FHIT: variants seen among roughly 807,000 people sequenced by gnomAD.
The protein encoded by FHIT is bis(5'-adenosyl)-triphosphatase.
A neutral mutation model predicts 17.9 loss-of-function variants in FHIT; 19 were observed. The ratio of observed to expected loss-of-function variants is 1.06; its 90% confidence interval spans 0.74 to 1.56. FHIT has a LOEUF of 1.56. Among genes scored for constraint, FHIT ranks in the 40% most tolerant of loss-of-function variants. The pLI is 0.00. For synonymous variants in FHIT, 81 were observed against 69.7 expected, an observed-to-expected ratio of 1.16 and a Z score of -0.81; for missense variants, 248 against 189.2, an observed-to-expected ratio of 1.31 and a Z score of -1.82.
chr3:61,091,936 TAAA>T (rs58005720), intron 2 of FHIT, among the ~76,000 whole-genome samples: 88 of 61,292 alleles, frequency 1.4e-3, no homozygotes, highest in African/African-American at 3.6e-3. Flanking sequence ...AGACCTTGTC[TAAA>T]AAAAAAAAAA....
rs541405064 is a variant in FHIT, at chr3:59,770,491, G to A, written c.349-18170C>T. ...AGATGAAGGCAAAGATTGGGGTGACGGATCTCTAAGCCATGGAATGCCAAA... is the reference window on the plus strand; with the variant it reads ...AGATGAAGGCAAAGATTGGGGTGACAGATCTCTAAGCCATGGAATGCCAAA... On this transcript the variant is annotated intron_variant, in intron 8 of 9. Transcript: ENST00000492590. Among the ~76,000 whole-genome samples the A allele has an allele frequency of 1.2e-4, 18 of 152,240 alleles. No individual in the cohort carries two copies. In the East Asian group the frequency reaches 1.7e-3, roughly 15 times the overall value.
At chr3:60,429,101 G>C (rs1045025613) in intron 5 of FHIT, among the ~76,000 whole-genome samples, 1 of 151,914 alleles carries the variant, frequency 6.6e-6, no homozygotes, top group Non-Finnish European at 1.5e-5. Flanking sequence ...AACTTCGCAG[G>C]CTATTACTTT....
intron 5 of FHIT, among the ~76,000 whole-genome samples, chr3:60,021,764 A>G (rs759032438): frequency 6.6e-6 from 1 of 152,222 alleles, no homozygotes; most frequent in Non-Finnish European, 1.5e-5. Context: ...CAACACTGTT[A>G]CAATGTCCAT....
chr3:60,078,113 G>C (rs770801653), intron 5 of FHIT, among the ~76,000 whole-genome samples: 4 of 151,992 alleles, frequency 2.6e-5, no homozygotes, highest in Non-Finnish European at 5.9e-5. Flanking sequence ...TTTCAGGTAA[G>C]AATCAGTAGT....
At chr3:59,794,273 T>G (rs902610820) in intron 8 of FHIT, among the ~76,000 whole-genome samples, 1 of 152,210 alleles carries the variant, frequency 6.6e-6, no homozygotes, top group African/African-American at 2.4e-5. Flanking sequence ...AGCTTTCCAT[T>G]ATAGCACGAA....
intron 5 of FHIT, among the ~76,000 whole-genome samples, chr3:60,468,080 G>A (rs970292976): frequency 6.6e-6 from 1 of 151,914 alleles, no homozygotes; most frequent in Non-Finnish European, 1.5e-5. Flanking sequence ...TGTCTTGAAG[G>A]CTATTTTGTC....
At chr3:60,176,815 T>C (rs888653186) in intron 5 of FHIT, among the ~76,000 whole-genome samples, 3 of 152,194 alleles carry the variant, frequency 2.0e-5, no homozygotes, top group Non-Finnish European at 2.9e-5. Flanking sequence ...ATGGAAGTCC[T>C]GCTCTAGCCT....
intron 5 of FHIT, among the ~76,000 whole-genome samples, chr3:60,295,460 G>A (rs927076663): frequency 1.3e-5 from 2 of 152,032 alleles, no homozygotes; most frequent in African/African-American, 4.8e-5. Context: ...GAGACAGGAA[G>A]CAAGAGAGAG....
chr3:59,787,481 AACACACACACACACACACACACACAC>A (rs58100812), intron 8 of FHIT, among the ~76,000 whole-genome samples: 3 of 142,400 alleles, frequency 2.1e-5, no homozygotes, highest in Admixed American at 7.1e-5. Flanking sequence ...CAAGGGGCAA[AACACACACACACACACACACACACAC>A]ACACACACAC....
chr3:61,014,807 A>ATAT (rs1482200671), intron 3 of FHIT, among the ~76,000 whole-genome samples: 5 of 49,102 alleles, frequency 1.0e-4, no homozygotes, highest in Non-Finnish European at 1.8e-4. Context: ...AAAAAAAAAA[A>ATAT]ATATATATAT....
At chr3:60,620,726 G>A (rs1283203073) in intron 4 of FHIT, among the ~76,000 whole-genome samples, 1 of 152,120 alleles carries the variant, frequency 6.6e-6, no homozygotes, top group African/African-American at 2.4e-5. Context: ...ATATAACAGT[G>A]GTTGCATGTC....
At chr3:61,040,209 A>T (rs1356199150) in intron 3 of FHIT, among the ~76,000 whole-genome samples, 1 of 152,240 alleles carries the variant, frequency 6.6e-6, no homozygotes, top group Non-Finnish European at 1.5e-5. Context: ...ATGACCTAAA[A>T]CATTTGCTGA....
intron 5 of FHIT, among the ~76,000 whole-genome samples, chr3:60,174,641 T>C (rs1352635400): frequency 6.7e-6 from 1 of 148,600 alleles, no homozygotes; most frequent in Non-Finnish European, 1.5e-5. Context: ...AGGTCCATGC[T>C]TTTTTTTTTC....
intron 7 of FHIT, among the ~76,000 whole-genome samples, chr3:59,959,274 T>G (rs1707553248): frequency 6.6e-6 from 1 of 152,186 alleles, no homozygotes; most frequent in African/African-American, 2.4e-5. Flanking sequence ...GGAGCTACCC[T>G]TTAAAGATGT....
chr3:61,121,987 G>T (rs1451141274), intron 2 of FHIT, among the ~76,000 whole-genome samples: 6 of 152,062 alleles, frequency 3.9e-5, no homozygotes, highest in African/African-American at 9.7e-5. Context: ...ACAAAGAAGG[G>T]CATTACATAA....
intron 2 of FHIT, among the ~76,000 whole-genome samples, chr3:61,081,090 C>T (rs113675482): frequency 6.6e-6 from 1 of 152,100 alleles, no homozygotes; most frequent in African/African-American, 2.4e-5. Flanking sequence ...TGGGCCCTAG[C>T]AAATCTCCTA....
At chr3:60,976,090 C>CTTT (rs1710224532) in intron 3 of FHIT, among the ~76,000 whole-genome samples, 1 of 58,086 alleles carries the variant, frequency 1.7e-5, no homozygotes, top group African/African-American at 7.0e-5. Context: ...TTTCGTTTTT[C>CTTT]TTTTTCTTTT....
intron 5 of FHIT, among the ~76,000 whole-genome samples, chr3:60,247,486 T>C (rs77413532): frequency 0.017 from 2,540 of 152,268 alleles, 62 homozygotes; most frequent in African/African-American, 0.057. Context: ...CACTTATACA[T>C]AGATACATAT....
chr3:60,799,208 C>G (rs1045298490), intron 4 of FHIT, among the ~76,000 whole-genome samples: 10 of 151,324 alleles, frequency 6.6e-5, no homozygotes, highest in African/African-American at 2.4e-4. Flanking sequence ...GAGTTTCGCT[C>G]TTGTTGCCCA....
Sources: allele counts gnomAD v4.1 joint callset (sites outside exome capture counted in the v4.1 genomes callset), GRCh38; gene constraint gnomAD v4.1.1; transcripts MANE v1.5; gene names NCBI Gene and HGNC (gene_info 2026-07-23, HGNC 2026-07-21).